The following FAM168A variants were observed in gnomAD, a reference collection of about 807,000 sequenced individuals.
FAM168A encodes family with sequence similarity 168 member A.
In FAM168A, 3 loss-of-function variants were observed where a neutral mutation model predicts 28.5. The observed-to-expected ratio is 0.11, with a 90% confidence interval of 0.05 to 0.27. The LOEUF (loss-of-function observed/expected upper bound fraction) is 0.27. Among genes scored for constraint, FAM168A ranks in the 10% least tolerant of loss-of-function variants. The pLI, the probability that FAM168A is intolerant of heterozygous loss-of-function variation, is 1.00. For synonymous variants in FAM168A, 122 were observed against 124.2 expected (o/e 0.98, Z 0.12); for missense variants, 222 against 311.5 (o/e 0.71, Z 2.16).
intron 1 of FAM168A, among the ~76,000 whole-genome samples, chr11:73,549,188 C>T (rs1943795948): frequency 6.6e-6 from 1 of 152,108 alleles, no homozygotes; most frequent in Non-Finnish European, 1.5e-5. Flanking sequence ...GTGATCCACA[C>T]GCCTCAGCCA....
chr11:73,539,773 G>T (rs566753912), intron 1 of FAM168A, among the ~76,000 whole-genome samples: 1 of 152,214 alleles, frequency 6.6e-6, no homozygotes, highest in African/African-American at 2.4e-5. Flanking sequence ...ATGTTACCTA[G>T]AGATGAATAA....
At chr11:73,443,388 A>G (rs1867240584) in intron 2 of FAM168A, among the ~76,000 whole-genome samples, 1 of 152,220 alleles carries the variant, frequency 6.6e-6, no homozygotes, top group African/African-American at 2.4e-5. Flanking sequence ...TCTAATGAGA[A>G]AGACAAGCAA....
intron 1 of FAM168A, among the ~76,000 whole-genome samples, chr11:73,545,027 A>ATATAATATATATATATAATATATTTTAT (rs57233496): frequency 0.073 from 5,606 of 77,018 alleles, 409 homozygotes; most frequent in Non-Finnish European, 0.087. Flanking sequence ...TAGTATATAT[A>ATATAATATATATATATAATATATTTTAT]ATATATATAT....
rs1334679613 is a variant in FAM168A at position 73,558,523 on chromosome 11, A to G, written c.-19+39400T>C. 3.3e-5 allele frequency among the ~76,000 whole-genome samples: 5 copies of G among 151,504 alleles called. No homozygotes were observed. The East Asian group carries it at 9.6e-4, about 29-fold the overall frequency. On this transcript the variant is annotated intron_variant, in intron 1 of 7. Coordinates refer to ENST00000356467, the MANE Select transcript of FAM168A (RefSeq NM_015159.3). ...AAGACAACCCACTGAATAAGAAAAA[A>G]TATTTGGAAATCATATATTTGATAA...
At chr11:73,507,172 A>G (rs1371946459) in intron 1 of FAM168A, among the ~76,000 whole-genome samples, 1 of 152,192 alleles carries the variant, frequency 6.6e-6, no homozygotes, top group Non-Finnish European at 1.5e-5. Context: ...CACGAACTAT[A>G]TGGTGGGAGC....
chr11:73,447,957 T>C (rs535088253), intron 2 of FAM168A, among the ~76,000 whole-genome samples: 178 of 152,366 alleles, frequency 1.2e-3, no homozygotes, highest in Non-Finnish European at 2.3e-3. Flanking sequence ...ATCTCTTATA[T>C]AAAACGGGAT....
At chr11:73,504,966 G>A (rs1232208587) in intron 1 of FAM168A, among the ~76,000 whole-genome samples, 2 of 152,094 alleles carry the variant, frequency 1.3e-5, no homozygotes, top group Non-Finnish European at 2.9e-5. Flanking sequence ...AGAACACATG[G>A]ACACAGAGAG....
chr11:73,510,656 G>A (rs1590824132), intron 1 of FAM168A: 2 of 309,294 alleles, frequency 6.5e-6, no homozygotes, highest in Non-Finnish European at 1.2e-5. Context: ...GCCAAAAGGG[G>A]GTACATCCTA....
At chr11:73,448,951 C>G (rs1410353421) in intron 2 of FAM168A, among the ~76,000 whole-genome samples, 3 of 151,880 alleles carry the variant, frequency 2.0e-5, no homozygotes, top group Admixed American at 6.6e-5. Context: ...TTTTTTCTCT[C>G]TCTCTCTAAC....
chr11:73,507,697 G>T (rs77550055), intron 1 of FAM168A, among the ~76,000 whole-genome samples: 13 of 152,218 alleles, frequency 8.5e-5, no homozygotes, highest in African/African-American at 2.4e-4. Context: ...TTACTCATTT[G>T]TAAATGAACG....
At chr11:73,512,196 T>C (rs1228552030) in intron 1 of FAM168A, among the ~76,000 whole-genome samples, 1 of 152,110 alleles carries the variant, frequency 6.6e-6, no homozygotes, top group Non-Finnish European at 1.5e-5. Context: ...AACAAACACA[T>C]ATAATTTACT....
chr11:73,554,534 G>A (rs971890876), intron 1 of FAM168A, among the ~76,000 whole-genome samples: 11 of 152,072 alleles, frequency 7.2e-5, no homozygotes, highest in Admixed American at 3.3e-4. Context: ...AATATAGAGC[G>A]ATATTATTTG....
At chr11:73,488,129 C>T (rs1346280644) in intron 1 of FAM168A, among the ~76,000 whole-genome samples, 1 of 149,082 alleles carries the variant, frequency 6.7e-6, no homozygotes, top group African/African-American at 2.5e-5. Context: ...TCATGTGGGG[C>T]CTTTTTTTTT....
At chr11:73,570,937 G>A (rs1944078947) in intron 1 of FAM168A, among the ~76,000 whole-genome samples, 1 of 152,066 alleles carries the variant, frequency 6.6e-6, no homozygotes, top group Admixed American at 6.6e-5. Context: ...AGCAGACCAA[G>A]AACAGAGAAG....
At chr11:73,418,279 C>G (rs1866730248) in intron 4 of FAM168A, among the ~76,000 whole-genome samples, 1 of 152,174 alleles carries the variant, frequency 6.6e-6, no homozygotes, top group Admixed American at 6.5e-5. Context: ...GTAGATCCCT[C>G]ATGATGGCTT....
At chr11:73,488,223 T>C (rs1001694510) in intron 1 of FAM168A, among the ~76,000 whole-genome samples, 2 of 151,862 alleles carry the variant, frequency 1.3e-5, no homozygotes, top group Non-Finnish European at 2.9e-5. Flanking sequence ...CTCTGCCTCC[T>C]GGGTTCAAGC....
At chr11:73,468,794 C>T (rs545983548) in intron 1 of FAM168A, among the ~76,000 whole-genome samples, 12 of 152,358 alleles carry the variant, frequency 7.9e-5, no homozygotes, top group Admixed American at 5.2e-4. Context: ...CACTAGAGTA[C>T]TATGTGGCAT....
intron 1 of FAM168A, among the ~76,000 whole-genome samples, chr11:73,484,674 A>C (rs1455412505): frequency 7.1e-6 from 1 of 141,760 alleles, no homozygotes; most frequent in Non-Finnish European, 1.5e-5. Context: ...AGATATAGAT[A>C]TGTATCGCTA....
chr11:73,531,022 C>T (rs536803878), intron 1 of FAM168A, among the ~76,000 whole-genome samples: 1 of 152,236 alleles, frequency 6.6e-6, no homozygotes, highest in East Asian at 1.9e-4. Flanking sequence ...TCCCTCCCAT[C>T]AGGGGAACCT....
Sources: gnomAD v4.1 joint callset for allele counts (sites outside exome capture counted in the v4.1 genomes callset) on GRCh38, gnomAD v4.1.1 for gene constraint, MANE v1.5 for transcripts, NCBI Gene and HGNC (gene_info 2026-07-23, HGNC 2026-07-21) for gene names.